PKD2: variants seen among roughly 807,000 people sequenced by gnomAD.
The protein encoded by PKD2 is polycystin 2, transient receptor potential cation channel, also known as polycystin-2.
In PKD2, 48 loss-of-function variants were observed where a neutral mutation model predicts 105.9. That is an observed-to-expected ratio of 0.45 (90% confidence interval 0.36 to 0.58). The LOEUF is 0.58. Among genes scored for constraint, PKD2 ranks in the 20% least tolerant of loss-of-function variants. PKD2 has a pLI of 0.00. For missense variants in PKD2, 1,078 were observed against 1,255.3 expected (o/e 0.86, Z 2.13); for synonymous variants, 464 against 481.1 (o/e 0.96, Z 0.46).
At chr4:88,057,908 A>G in intron 8 of PKD2, 75 bp from the exon 9 acceptor site, 1 of 1,167,406 alleles carries the variant, frequency 8.6e-7, no homozygotes, top group Non-Finnish European at 1.3e-6. Flanking sequence ...TAATGAAATC[A>G]TCTTTAAGAA....
intron 7 of PKD2, among the ~76,000 whole-genome samples, chr4:88,054,469 G>A (rs1720243076): frequency 6.6e-6 from 1 of 151,710 alleles, no homozygotes; most frequent in Non-Finnish European, 1.5e-5. Context: ...TGTGATTACA[G>A]CAATCCTCAA....
intron 7 of PKD2, among the ~76,000 whole-genome samples, chr4:88,054,494 T>C (rs540015420): frequency 5.9e-5 from 9 of 152,216 alleles, no homozygotes; most frequent in Admixed American, 1.3e-4. Context: ...TATTTCACTG[T>C]GGCCAGTAAC....
Position 88,010,408 on chromosome 4 carries a change from A to G in PKD2, c.595+2080A>G, listed in dbSNP as rs1039378274. 5.3e-5 allele frequency among the ~76,000 whole-genome samples: 8 copies of G among 152,230 alleles called. No homozygotes were observed. In the East Asian group the frequency reaches 5.8e-4, roughly 11 times the overall value. ...TGAAGATAGCACTGTGCTAGCTGCT[A>G]TGAATAAACTAGAATAGCATATCAC... On this transcript the variant is annotated intron_variant, in intron 1 of 14. Transcript: ENST00000237596.
chr4:88,071,965 A>G (rs1346191608), intron 13 of PKD2, among the ~76,000 whole-genome samples: 1 of 142,370 alleles, frequency 7.0e-6, no homozygotes, highest in Admixed American at 7.0e-5. Context: ...GGCTAGTTTT[A>G]GAGGCCAGTC....
At chr4:88,070,370 C>T (rs1279412189) in intron 13 of PKD2, among the ~76,000 whole-genome samples, 1 of 151,704 alleles carries the variant, frequency 6.6e-6, no homozygotes, top group African/African-American at 2.4e-5. Flanking sequence ...TTTCTCTTCT[C>T]CTTTGGGACC....
At position 88,060,487 on chromosome 4, in the gene PKD2, G is replaced by GT. The variant is rs1266010756; in HGVS notation, c.2020-1413dup. On this transcript the variant is annotated intron_variant, in intron 9 of 14. Coordinates refer to ENST00000237596, the MANE Select transcript of PKD2 (RefSeq NM_000297.4). Reference sequence around the variant, plus strand: ...TATACTGTATAATACACACTGTAGTGTTTTTTGTGGATTGTGTACTATGAG... The same window carrying GT: ...TATACTGTATAATACACACTGTAGTGTTTTTTTGTGGATTGTGTACTATGAG... Among the ~76,000 whole-genome samples the GT allele has an allele frequency of 6.7e-5, 10 of 150,374 alleles. No individual in the cohort carries two copies. The East Asian group carries it at 1.8e-3, about 27-fold the overall frequency.
intron 2 of PKD2, among the ~76,000 whole-genome samples, chr4:88,029,644 C>G (rs555928081): frequency 6.6e-6 from 1 of 152,270 alleles, no homozygotes; most frequent in East Asian, 1.9e-4. Context: ...TATTTCCTGA[C>G]TTATTCATTC....
At chr4:88,028,312 A>G (rs1239407857) in intron 2 of PKD2, among the ~76,000 whole-genome samples, 1 of 152,254 alleles carries the variant, frequency 6.6e-6, no homozygotes, top group East Asian at 1.9e-4. Flanking sequence ...AGATCAGTGA[A>G]GTAAAGGTCA....
chr4:88,042,390 A>G (rs903889125), intron 4 of PKD2, among the ~76,000 whole-genome samples: 2 of 152,202 alleles, frequency 1.3e-5, no homozygotes, highest in African/African-American at 2.4e-5. Context: ...ACCTGCCCCC[A>G]TGATTCAATT....
chr4:88,010,294 T>C (rs116124854), intron 1 of PKD2, among the ~76,000 whole-genome samples: 4,113 of 152,316 alleles, frequency 0.027, 67 homozygotes, highest in South Asian at 0.047. Flanking sequence ...TTTAAATAAA[T>C]TGTTATTCCT....
chr4:88,028,424 A>G (rs923475633), intron 2 of PKD2, among the ~76,000 whole-genome samples: 6 of 152,232 alleles, frequency 3.9e-5, no homozygotes, highest in Non-Finnish European at 8.8e-5. Flanking sequence ...TTCAGTCTTA[A>G]GATCACATGT....
Position 88,042,307 on chromosome 4 carries a change from A to G in PKD2, c.1095-926A>G, listed in dbSNP as rs114480807. On this transcript the variant is annotated intron_variant, in intron 4 of 14. Coordinates refer to ENST00000237596, the MANE Select transcript of PKD2 (RefSeq NM_000297.4). ...GCAGGCAAAGAGAGAGAGCTTGTGCAGGGAAAATCCCACTTATAAAACCAT... is the reference window on the plus strand; with the variant it reads ...GCAGGCAAAGAGAGAGAGCTTGTGCGGGGAAAATCCCACTTATAAAACCAT... Among the ~76,000 whole-genome samples the G allele has an allele frequency of 3.4e-3, 522 of 152,364 alleles. 3 individuals carry two copies. Among genetic ancestry groups the G allele is most frequent in the African/African-American group, 0.012 (504 of 41,580 alleles).
At chr4:88,024,601 A>C (rs770050367) in intron 2 of PKD2, among the ~76,000 whole-genome samples, 3 of 152,084 alleles carry the variant, frequency 2.0e-5, no homozygotes, top group Non-Finnish European at 2.9e-5. Context: ...CTCATTCTAT[A>C]AAATTGAGTA....
At chr4:88,037,756 A>G (rs756267319) in intron 3 of PKD2, among the ~76,000 whole-genome samples, 9 of 152,250 alleles carry the variant, frequency 5.9e-5, no homozygotes, top group Non-Finnish European at 8.8e-5. Flanking sequence ...ATAAATGCCA[A>G]TCACTAAAGG....
In PKD2 at chr4:88,046,646, T is replaced by C; in HGVS notation, c.1324T>C (p.Leu442=). The C allele has an allele frequency of 1.9e-6, 3 of 1,582,504 alleles. No individual in the cohort carries two copies. The highest frequency in any genetic ancestry group is 2.6e-6 in the Non-Finnish European group (3 of 1,151,116). Residue 442 remains leucine, a synonymous_variant, in exon 6 of 15, where the codon TTG becomes CTG. Transcript: ENST00000237596. ...ATTGTTCTTATTTACATGCAGGTTA[T>C]TGGTTGAATTCCCAGCAACAGGTGG... is the stretch of plus-strand genomic sequence containing the variant. ...NINLFCVVRL[L]VEFPATGGVI... is the part of the protein sequence containing the mutation.
intron 11 of PKD2, 110 bp downstream of exon 11, chr4:88,065,605 T>C: frequency 1.5e-6 from 2 of 1,308,068 alleles, no homozygotes; most frequent in Non-Finnish European, 2.2e-6. Flanking sequence ...TTTTTTTTTT[T>C]TTTCCAGAGG....
intron 1 of PKD2, among the ~76,000 whole-genome samples, chr4:88,018,946 C>T (rs1185807702): frequency 6.6e-6 from 1 of 152,162 alleles, no homozygotes; most frequent in East Asian, 1.9e-4. Flanking sequence ...AGGTTAGAAG[C>T]ATAACATGTT....
intron 13 of PKD2, among the ~76,000 whole-genome samples, chr4:88,069,811 C>A (rs964100612): frequency 6.6e-6 from 1 of 152,050 alleles, no homozygotes; most frequent in African/African-American, 2.4e-5. Context: ...TATCATCTGT[C>A]GTCATTCTCT....
chr4:88,055,801 G>C (rs917154190), intron 7 of PKD2, among the ~76,000 whole-genome samples: 4 of 152,016 alleles, frequency 2.6e-5, no homozygotes, highest in African/African-American at 9.7e-5. Context: ...CTGAAACTTT[G>C]TATCCATTGA....
Sources: allele counts gnomAD v4.1 joint callset (sites outside exome capture counted in the v4.1 genomes callset), GRCh38; gene constraint gnomAD v4.1.1; transcripts MANE v1.5; gene names NCBI Gene and HGNC (gene_info 2026-07-23, HGNC 2026-07-21).